Variants in TENM1 observed in about 807,000 individuals in gnomAD.
TENM1 encodes teneurin-1.
Under a neutral mutation model 174.8 loss-of-function variants are expected in TENM1, and 35 were observed. The observed-to-expected ratio is 0.20, with a 90% CI of 0.15 to 0.27. The LOEUF (loss-of-function observed/expected upper bound fraction) is 0.27. TENM1 is among the 10% of genes least tolerant of loss of function. The pLI is 1.00. For missense variants in TENM1, 1,633 were observed against 2,130.1 expected (o/e 0.77, Z 4.59); for synonymous variants, 781 against 798.7 (o/e 0.98, Z 0.37).
At chrX:124,822,797 G>A (rs1193755907) in intron 3 of TENM1, among the ~76,000 whole-genome samples, 1 of 111,775 alleles carries the variant, frequency 8.9e-6, no homozygotes, top group African/African-American at 3.2e-5. Flanking sequence ...TGTTGCAGCT[G>A]AATAAGCCTG....
chrX:124,708,447 C>T, intron 4 of TENM1, among the ~76,000 whole-genome samples: 2 of 111,277 alleles, frequency 1.8e-5, no homozygotes, highest in Non-Finnish European at 3.8e-5. Flanking sequence ...ATAATTATGG[C>T]TATAGGAATT....
intron 20 of TENM1, among the ~76,000 whole-genome samples, chrX:124,488,571 T>C (rs2046999827): frequency 8.9e-6 from 1 of 112,333 alleles, no homozygotes; most frequent in South Asian, 3.7e-4. Context: ...GAGCTCTGAT[T>C]AGAAACCTGG....
the TENM1 span, among the ~76,000 whole-genome samples, chrX:125,028,533 A>G: frequency 9.0e-6 from 1 of 111,558 alleles, no homozygotes; most frequent in African/African-American, 3.3e-5. Context: ...CCTATCAGAG[A>G]GTGGAGGGTG....
At chrX:124,840,697 G>A (rs1466909497) in intron 3 of TENM1, among the ~76,000 whole-genome samples, 1 of 111,753 alleles carries the variant, frequency 8.9e-6, no homozygotes, top group Non-Finnish European at 1.9e-5. Context: ...AAAAGCTGCT[G>A]ATCTGTTTTC....
intron 14 of TENM1, among the ~76,000 whole-genome samples, chrX:124,549,831 T>G (rs2048517763): frequency 9.0e-6 from 1 of 110,827 alleles, no homozygotes; most frequent in Non-Finnish European, 1.9e-5. Context: ...ACACCCCATA[T>G]AGTACGTCTA....
At chrX:125,031,080 C>A in the TENM1 span, among the ~76,000 whole-genome samples, 9 of 110,209 alleles carry the variant, frequency 8.2e-5, no homozygotes, top group Non-Finnish European at 1.7e-4. Context: ...CTGGGCAGAG[C>A]AGCTAACAGT....
intron 1 of TENM1, among the ~76,000 whole-genome samples, chrX:124,934,947 T>C (rs184638181): frequency 9.0e-6 from 1 of 110,630 alleles, no homozygotes; most frequent in East Asian, 2.8e-4. Context: ...TTGTTCACTG[T>C]GAATTAAGTG....
intron 27 of TENM1, among the ~76,000 whole-genome samples, chrX:124,400,987 G>A (rs1456950746): frequency 9.0e-6 from 1 of 111,665 alleles, no homozygotes; most frequent in Admixed American, 9.5e-5. Context: ...ATTTCAGGAT[G>A]TTAATGTGAC....
the TENM1 span, among the ~76,000 whole-genome samples, chrX:124,971,922 T>C: frequency 8.9e-6 from 1 of 111,938 alleles, no homozygotes; most frequent in East Asian, 2.8e-4. Context: ...ATTTACCTAT[T>C]GAGAACCTGA....
At chrX:124,959,069 T>C (rs1359234396) in intron 1 of TENM1, among the ~76,000 whole-genome samples, 1 of 111,721 alleles carries the variant, frequency 9.0e-6, no homozygotes, top group Non-Finnish European at 1.9e-5. Context: ...TTTAAAATAA[T>C]GAGTTAGGCT....
chrX:124,679,536 G>C (rs896031117), intron 5 of TENM1, among the ~76,000 whole-genome samples: 5 of 111,986 alleles, frequency 4.5e-5, no homozygotes, highest in African/African-American at 1.6e-4. Flanking sequence ...AAAAATAAAT[G>C]CTACTTGAAT....
At chrX:124,936,469 C>G (rs774124245) in intron 1 of TENM1, among the ~76,000 whole-genome samples, 2 of 111,693 alleles carry the variant, frequency 1.8e-5, no homozygotes, top group Non-Finnish European at 3.8e-5. Context: ...CTGTTGGTCA[C>G]CATAGCACCT....
chrX:124,578,952 C>A (rs936398700), intron 11 of TENM1, among the ~76,000 whole-genome samples: 1 of 112,290 alleles, frequency 8.9e-6, no homozygotes, highest in African/African-American at 3.2e-5. Flanking sequence ...AATCTGCTGT[C>A]CATCTTCTTT....
the TENM1 span, among the ~76,000 whole-genome samples, chrX:125,188,143 C>T: frequency 9.0e-6 from 1 of 110,936 alleles, no homozygotes; most frequent in African/African-American, 3.3e-5. Context: ...CCAGCCTGGG[C>T]AACAGAATGA....
In TENM1 at chrX:124,540,585, C is replaced by T. The variant is rs1444265105; in HGVS notation, c.2651+6289G>A. 2.7e-5 allele frequency among the ~76,000 whole-genome samples: 3 copies of T among 111,569 alleles called. No homozygotes were observed. The Admixed American group carries it at 2.9e-4, about 11-fold the overall frequency. On this transcript the variant is annotated intron_variant, in intron 15 of 31. Transcript: ENST00000422452. ...CACAGAATCTCAAATGGTATACATTCCCAGCTCAACTGAGGGCAGAACGCA... is the reference window on the plus strand; with the variant it reads ...CACAGAATCTCAAATGGTATACATTTCCAGCTCAACTGAGGGCAGAACGCA...
chrX:125,046,854 ATGCG>A, the TENM1 span, among the ~76,000 whole-genome samples: 2 of 87,280 alleles, frequency 2.3e-5, no homozygotes, highest in Non-Finnish European at 2.2e-5. Flanking sequence ...GTGTGTGTGC[ATGCG>A]TGTGTGTGTG....
chrX:124,891,251 G>C (rs926842308), intron 3 of TENM1, among the ~76,000 whole-genome samples: 3 of 111,258 alleles, frequency 2.7e-5, no homozygotes, highest in Non-Finnish European at 5.7e-5. Context: ...ACAACAGGGT[G>C]ACTGTAGTCA....
intron 3 of TENM1, among the ~76,000 whole-genome samples, chrX:124,872,545 ACT>A (rs760315365): frequency 4.5e-5 from 5 of 112,350 alleles, no homozygotes; most frequent in East Asian, 2.8e-4. Context: ...GAATAAGGAA[ACT>A]CTATTTAAAA....
the TENM1 span, among the ~76,000 whole-genome samples, chrX:124,971,839 A>T: frequency 8.9e-6 from 1 of 112,089 alleles, no homozygotes; most frequent in East Asian, 2.8e-4. Context: ...AGTGAGGCTG[A>T]ATACTTTTTC....
Sources: gnomAD v4.1 joint callset for allele counts (sites outside exome capture counted in the v4.1 genomes callset) on GRCh38, gnomAD v4.1.1 for gene constraint, MANE v1.5 for transcripts, NCBI Gene and HGNC (gene_info 2026-07-23, HGNC 2026-07-21) for gene names.